Variants in NOTCH3 observed in about 807,000 individuals in gnomAD.
NOTCH3 encodes the protein notch receptor 3.
In NOTCH3, 86 loss-of-function variants were observed where a neutral mutation model predicts 213.3. That is an observed-to-expected ratio of 0.40 (90% CI 0.34 to 0.48). The LOEUF is 0.48. NOTCH3 is among the 20% of genes least tolerant of loss of function. The pLI is 0.57. For synonymous variants in NOTCH3, 1,354 were observed against 1,355.9 expected, an observed-to-expected ratio of 1.00 and a Z score of 0.03; for missense variants, 2,783 against 3,272.6, an observed-to-expected ratio of 0.85 and a Z score of 3.65.
chr19:15,180,115 T>C lies in NOTCH3; in HGVS notation c.3284A>G (p.His1095Arg), dbSNP rs1331591484. 1.2e-6 allele frequency: 2 copies of C among 1,612,900 alleles called. No homozygotes were observed. Among genetic ancestry groups the C allele is most frequent in the Admixed American group, 1.7e-5 (1 of 59,994 alleles). The change falls in exon 20 of 33, where the codon CAT becomes CGT. Residue 1095 changes from histidine to arginine, a missense_variant. His to Arg is a conservative substitution (Grantham distance 29). Around this residue, in one of 6 missense-constraint regions of NOTCH3, gnomAD observed 861 missense variants for 909.1 expected, o/e 0.95. Transcript: ENST00000263388. ...CATATAGCCACGGCAGGTCCCCCCA[T>C]GCTGGCAGGGCTGGGCCAAGCAGGG... Reference protein sequence around the residue: ...VDPCLAQPCQHGGTCRGYMGG... With the variant: ...VDPCLAQPCQRGGTCRGYMGG...
At chr19:15,198,376 G>A (rs1284329082) in intron 1 of NOTCH3, among the ~76,000 whole-genome samples, 1 of 152,180 alleles carries the variant, frequency 6.6e-6, no homozygotes, top group African/African-American at 2.4e-5. Flanking sequence ...ATGGAGAGAG[G>A]AAGGAAGATC....
rs771561644 is a variant in NOTCH3, at chr19:15,184,342, C to T, written c.2519G>A (p.Gly840Glu). 58 of 1,613,832 alleles carry T rather than the reference C, an allele frequency of 3.6e-5. No individual in the cohort carries two copies. In the East Asian group the frequency reaches 1.3e-3, roughly 35 times the overall value. ...CTGATCGCAGGAAGGGCCAGTGTACCCTCCATGGCAGGTGCAGCTGAAACT... is the reference window on the plus strand; with the variant it reads ...CTGATCGCAGGAAGGGCCAGTGTACTCTCCATGGCAGGTGCAGCTGAAACT... ...AGSFSCTCHG[G>E]YTGPSCDQDI... The change falls in exon 16 of 33, where the codon GGG (glycine) becomes GAG (glutamate). Residue 840 changes from glycine to glutamate, a missense_variant. Coordinates refer to ENST00000263388, the MANE Select transcript of NOTCH3 (RefSeq NM_000435.3).
At chr19:15,187,734 G>T (rs1203179842) in intron 10 of NOTCH3, 147 bp downstream of exon 10, 8 of 715,726 alleles carry the variant, frequency 1.1e-5, no homozygotes, top group Middle Eastern at 3.6e-4. Flanking sequence ...CAGTCTATAT[G>T]CATTATTGGC....
In NOTCH3 at chr19:15,188,997, C is replaced by CA. The variant is rs1325111374; in HGVS notation, c.1369dup (p.Cys457LeufsTer15). The CA allele has an allele frequency of 6.2e-7, 1 of 1,610,496 alleles. No homozygotes were observed. The highest frequency in any genetic ancestry group is 1.7e-5 in the Admixed American group (1 of 59,680). On this transcript the variant is annotated frameshift_variant, in exon 8 of 33. Transcript: ENST00000263388. LOFTEE classifies it high-confidence loss of function. ...CCACGCCCACCACCCACCTGCCATACAGATACAGGTGAACTGGCCTATGCG... is the reference window on the plus strand; with the variant it reads ...CCACGCCCACCACCCACCTGCCATACAAGATACAGGTGAACTGGCCTATGCG...
intron 29 of NOTCH3, among the ~76,000 whole-genome samples, chr19:15,166,709 A>G (rs963080259): frequency 2.6e-5 from 4 of 152,170 alleles, no homozygotes; most frequent in African/African-American, 9.7e-5. Context: ...CACTGCACAC[A>G]CTGTACACAA....
rs145069047 is a variant in NOTCH3, at chr19:15,192,493, C to A, written c.224G>T (p.Arg75Leu). The change falls in exon 3 of 33, where the codon CGG becomes CTG. Residue 75 changes from arginine to leucine, a missense_variant. Arg to Leu is a moderately radical substitution (Grantham distance 102, BLOSUM62 -2). This residue lies in a region of NOTCH3 where 708 missense variants were observed against 906.6 expected (regional missense o/e 0.78). Transcript: ENST00000263388. Reference protein sequence around the residue: ...CLCPPGWVGERCQLEDPCHSG... With the variant: ...CLCPPGWVGELCQLEDPCHSG... ...GTGACAGGGGTCCTCCAGCTGACAC[C>A]GCTCACCCACCCAGCCAGGCGGGCA... 6.2e-6 allele frequency: 10 copies of A among 1,600,174 alleles called. No homozygotes were observed. The highest frequency in any genetic ancestry group is 8.5e-6 in the Non-Finnish European group (10 of 1,174,364).
Position 15,192,559 on chromosome 19 carries a change from G to A in NOTCH3, c.198-40C>T, listed in dbSNP as rs561752003. ...GGCTTGGTTGGGCAGCACAGGGCAG[G>A]ATGGCCCCAGACACAAAGATACACA... On this transcript the variant is annotated intron_variant, in intron 2 of 32. Coordinates refer to ENST00000263388, the MANE Select transcript of NOTCH3 (RefSeq NM_000435.3). 1.7e-4 allele frequency: 269 copies of A among 1,552,764 alleles called. 4 individuals carry two copies. In the South Asian group the frequency reaches 3.0e-3, roughly 18 times the overall value.
chr19:15,166,339 A>G (rs999498819), intron 29 of NOTCH3, among the ~76,000 whole-genome samples: 4 of 152,190 alleles, frequency 2.6e-5, no homozygotes, highest in Admixed American at 1.3e-4. Context: ...AACCTCCAGT[A>G]AATTCCCAAA....
intron 24 of NOTCH3, among the ~76,000 whole-genome samples, chr19:15,176,583 G>A (rs753237927): frequency 1.3e-4 from 19 of 151,828 alleles, no homozygotes; most frequent in African/African-American, 3.6e-4. Context: ...ACAACATGGC[G>A]AAACCCCATC....
intron 10 of NOTCH3, among the ~76,000 whole-genome samples, chr19:15,187,606 C>T (rs2046894155): frequency 6.6e-6 from 1 of 152,098 alleles, no homozygotes; most frequent in Admixed American, 6.5e-5. Flanking sequence ...TCTGCCCCAC[C>T]CTCCACTGGA....
At position 15,192,164 on chromosome 19, in the gene NOTCH3, C is replaced by T. The variant is rs755339807; in HGVS notation, c.475G>A (p.Val159Met). 16 of 1,612,648 alleles carry T rather than the reference C, an allele frequency of 9.9e-6. No homozygotes were observed. Among genetic ancestry groups the T allele is most frequent in the Middle Eastern group, 1.6e-4 (1 of 6,084 alleles). ...GGCTCACCCACCCGGCACTCATCCA[C>T]GTCGCTTCGGCAGCTGCGGCCCTGG... is the stretch of plus-strand genomic sequence containing the variant. ...GYQGRSCRSD[V>M]DECRVGEPCR... Residue 159 changes from valine to methionine, a missense_variant, in exon 4 of 33, where the codon GTG becomes ATG. Coordinates refer to ENST00000263388, the MANE Select transcript of NOTCH3 (RefSeq NM_000435.3).
intron 24 of NOTCH3, 150 bp downstream of exon 24, chr19:15,177,375 G>A: frequency 1.4e-6 from 1 of 737,778 alleles, no homozygotes; most frequent in African/African-American, 1.7e-5. Context: ...CACACGGACA[G>A]ACACGTGGGA....
intron 31 of NOTCH3, among the ~76,000 whole-genome samples, chr19:15,164,382 A>G (rs1461964520): frequency 2.6e-5 from 4 of 152,044 alleles, no homozygotes; most frequent in Admixed American, 2.0e-4. Flanking sequence ...TCTACTAAAA[A>G]TACAAAAAAA....
At chr19:15,178,770 A>G in intron 23 of NOTCH3, 53 bp downstream of exon 23, 1 of 1,262,380 alleles carries the variant, frequency 7.9e-7, no homozygotes, top group Non-Finnish European at 1.1e-6. Flanking sequence ...CGCCCCTACT[A>G]CTCCAGAGGC....
At chr19:15,166,188 G>T in intron 29 of NOTCH3, 97 bp from the exon 30 acceptor site, 1 of 1,018,154 alleles carries the variant, frequency 9.8e-7, no homozygotes, top group Non-Finnish European at 1.5e-6. Context: ...TGGGACACAT[G>T]GAAAAATGAC....
At chr19:15,171,521 T>TG (rs897065493) in intron 25 of NOTCH3, among the ~76,000 whole-genome samples, 21 of 151,330 alleles carry the variant, frequency 1.4e-4, no homozygotes, top group South Asian at 2.1e-4. Context: ...GGCTAATTTT[T>TG]GGGGGGGGTT....
chr19:15,184,897 G>A lies in NOTCH3; in HGVS notation c.2410+9C>T, dbSNP rs761122858. On this transcript the variant is annotated intron_variant, in intron 15 of 32. Transcript: ENST00000263388. ...GGAGAGGAGGAGGGAAGAGAAGCAG[G>A]TGGCATACCTTGCCAGCCCTGGGGG... 2.8e-5 allele frequency: 41 copies of A among 1,468,490 alleles called. No individual in the cohort carries two copies. The South Asian group carries it at 4.9e-4, about 17-fold the overall frequency. 91.0% of individuals were successfully genotyped at this position (1,468,490 alleles called of 1,614,324 possible). A position where few individuals can be genotyped will look rare whatever the true frequency, so the allele number is the denominator to read the frequency against.
At position 15,181,096 on chromosome 19, in the gene NOTCH3, G is replaced by C; in HGVS notation, c.2859C>G (p.Gly953=). The C allele has an allele frequency of 6.2e-7, 1 of 1,609,654 alleles. No homozygotes were observed. The highest frequency in any genetic ancestry group is 8.5e-7 in the Non-Finnish European group (1 of 1,178,688). Residue 953 remains glycine (G), a synonymous_variant, in exon 18 of 33, where the codon GGC becomes GGG. Coordinates refer to ENST00000263388, the MANE Select transcript of NOTCH3 (RefSeq NM_000435.3). ...VNSFSCLCRP[G]YTGAHCQHEA... is the part of the protein sequence containing the mutation. Reference sequence around the variant, plus strand: ...CATGTTGGCAGTGGGCTCCTGTGTAGCCGGGACGGCACAGGCAGCTGAACG... The same window carrying C: ...CATGTTGGCAGTGGGCTCCTGTGTACCCGGGACGGCACAGGCAGCTGAACG...
In NOTCH3 at chr19:15,185,351, G is replaced by T; in HGVS notation, c.2202C>A (p.Ala734=). The stretch of plus-strand genomic sequence containing the variant: ...ACGGCTGGGACTCACAGGCGTCTCG[G>T]GCCAGGCTCTGGCTGCAGCGGGGGC... ...WSGPRCSQSL[A]RDACESQPCR... Residue 734 remains alanine, a synonymous_variant, in exon 14 of 33, where the codon GCC becomes GCA. Transcript: ENST00000263388. This position sits in a 1 kb window ranked among gnomAD's most constrained non-coding sequence, Gnocchi z 4.2. 2 of 1,612,552 alleles carry T rather than the reference G, an allele frequency of 1.2e-6. No homozygotes were observed. Among genetic ancestry groups the T allele is most frequent in the Non-Finnish European group, 1.7e-6 (2 of 1,179,802 alleles).
Sources: allele counts gnomAD v4.1 joint callset (sites outside exome capture counted in the v4.1 genomes callset), GRCh38; gene constraint gnomAD v4.1.1; regional missense constraint gnomAD v4.1.1; non-coding constraint Gnocchi (gnomAD v3.1); transcripts MANE v1.5; gene names NCBI Gene and HGNC (gene_info 2026-07-23, HGNC 2026-07-21).